Variants in PRDM11 observed in about 807,000 individuals in gnomAD.
PRDM11 encodes the protein PR/SET domain 11, also known as PR domain-containing protein 11.
PRDM11 carries 20 observed loss-of-function variants against 97.8 expected under a neutral mutation model. That is an observed-to-expected ratio of 0.20 (90% CI 0.14 to 0.30). PRDM11 has a LOEUF of 0.30. Ranked by LOEUF, PRDM11 falls within the 10% of genes least tolerant of loss-of-function variation. PRDM11 has a pLI of 1.00. For synonymous variants in PRDM11, 599 were observed against 637.7 expected, an observed-to-expected ratio of 0.94 and a Z score of 0.91; for missense variants, 1,139 against 1,555.2, an observed-to-expected ratio of 0.73 and a Z score of 4.50.
upstream of PRDM11, among the ~76,000 whole-genome samples, chr11:45,145,774 C>A (rs1314573738): frequency 1.3e-5 from 2 of 152,170 alleles, no homozygotes; most frequent in African/African-American, 4.8e-5. Flanking sequence ...CCTTGCCCTC[C>A]TCCAAGGCTT....
chr11:45,115,066 C>T (rs1000145306), intron 1 of PRDM11, among the ~76,000 whole-genome samples: 13 of 151,716 alleles, frequency 8.6e-5, no homozygotes, highest in Non-Finnish European at 1.0e-4. Flanking sequence ...ACTTTATTTC[C>T]TTAATCTAAA....
chr11:45,153,348 G>T (rs569999605), intron 1 of PRDM11, among the ~76,000 whole-genome samples: 25 of 152,406 alleles, frequency 1.6e-4, no homozygotes, highest in African/African-American at 6.0e-4. Flanking sequence ...TCTGGCACCA[G>T]ATAGCGGTGA....
intron 1 of PRDM11, among the ~76,000 whole-genome samples, chr11:45,155,220 C>T (rs1226677727): frequency 6.6e-6 from 1 of 152,240 alleles, no homozygotes; most frequent in Non-Finnish European, 1.5e-5. Flanking sequence ...CACTATCTCT[C>T]ACTTTCCCCA....
rs964231226 is a variant in PRDM11 at position 45,235,068 on chromosome 11, CT to C, written c.*6911del. Reference sequence around the variant, plus strand: ...GAAACTTTCTTTTTGTCATATTATCCTTGTAATGTAAGAAGATTGTTAATAA... The same window carrying C: ...GAAACTTTCTTTTTGTCATATTATCCTGTAATGTAAGAAGATTGTTAATAA... On this transcript the variant is annotated 3_prime_UTR_variant, in exon 8 of 8. Transcript: ENST00000683152. 6.6e-6 allele frequency: 1 copy of C among 152,098 alleles called. No individual in the cohort carries two copies. The highest frequency in any genetic ancestry group is 6.5e-5 in the Admixed American group (1 of 15,278). The allele number at this position is 152,098 out of a possible 1,614,324, so 9.4% of individuals were successfully genotyped here.
chr11:45,113,377 G>A (rs551648179), intron 1 of PRDM11, among the ~76,000 whole-genome samples: 17 of 152,150 alleles, frequency 1.1e-4, no homozygotes, highest in East Asian at 9.6e-4. Context: ...GTTTGAAGTC[G>A]AGTAATGTGA....
At chr11:45,188,462 G>A (rs550230949) in intron 4 of PRDM11, among the ~76,000 whole-genome samples, 9 of 152,232 alleles carry the variant, frequency 5.9e-5, no homozygotes, top group East Asian at 3.9e-4. Flanking sequence ...TACTTAGCAC[G>A]CCTCTTCTTA....
upstream of PRDM11, among the ~76,000 whole-genome samples, chr11:45,143,100 C>T (rs915437948): frequency 6.6e-6 from 1 of 152,194 alleles, no homozygotes; most frequent in African/African-American, 2.4e-5. Flanking sequence ...AAGATGCTTG[C>T]CAGTTCCTTG....
intron 1 of PRDM11, among the ~76,000 whole-genome samples, chr11:45,109,020 G>A (rs1357832512): frequency 1.3e-5 from 2 of 152,264 alleles, no homozygotes; most frequent in Admixed American, 1.3e-4. Flanking sequence ...CCAGGAAGAT[G>A]TCGGGGCTTA....
At chr11:45,169,723 C>T (rs192212112) in intron 1 of PRDM11, among the ~76,000 whole-genome samples, 34 of 42,176 alleles carry the variant, frequency 8.1e-4, no homozygotes, top group East Asian at 6.4e-3. Context: ...GGAACTCCCC[C>T]AGTGTCACAC....
At chr11:45,207,331 A>T (rs148992202) in intron 5 of PRDM11, among the ~76,000 whole-genome samples, 186 of 152,312 alleles carry the variant, frequency 1.2e-3, no homozygotes, top group African/African-American at 4.3e-3. Flanking sequence ...GTGGGCCAGG[A>T]GGCGAATGGG....
At chr11:45,144,207 A>T (rs1164057698), upstream of PRDM11, among the ~76,000 whole-genome samples, 1 of 152,100 alleles carries the variant, frequency 6.6e-6, no homozygotes, top group East Asian at 1.9e-4. Context: ...CCTGGTCCCA[A>T]CTCTTCATGC....
At chr11:45,154,421 A>T (rs1270376561) in intron 1 of PRDM11, among the ~76,000 whole-genome samples, 1 of 152,160 alleles carries the variant, frequency 6.6e-6, no homozygotes, top group Non-Finnish European at 1.5e-5. Flanking sequence ...CCTTCTCCCC[A>T]TCCCAGGAAC....
chr11:45,216,699 A>C (rs1038780730), intron 5 of PRDM11, among the ~76,000 whole-genome samples: 1 of 152,236 alleles, frequency 6.6e-6, no homozygotes, highest in Non-Finnish European at 1.5e-5. Flanking sequence ...ACAAAATCTG[A>C]ATAAGCATTG....
At chr11:45,121,908 A>C (rs973731249) in intron 1 of PRDM11, among the ~76,000 whole-genome samples, 24 of 152,188 alleles carry the variant, frequency 1.6e-4, no homozygotes, top group African/African-American at 5.5e-4. Flanking sequence ...TGTGAGCTGC[A>C]TCTAAAGGCT....
rs1170668946 is a variant in PRDM11, at chr11:45,233,841, A to G, written c.*5682A>G. On this transcript the variant is annotated 3_prime_UTR_variant, in exon 8 of 8. Transcript: ENST00000683152. ...ATAAATTCAATGGCTACTCCAGTCC[A>G]GAAGCAGGGCTTTGGCCCAGCCCGC... 3 of 152,362 alleles carry G rather than the reference A, an allele frequency of 2.0e-5. No individual in the cohort carries two copies. Among genetic ancestry groups the G allele is most frequent in the African/African-American group, 4.8e-5 (2 of 41,472 alleles). 9.4% of individuals were successfully genotyped at this position (152,362 alleles called of 1,614,324 possible).
intron 5 of PRDM11, chr11:45,215,688 T>TA (rs1853937181): frequency 6.6e-6 from 1 of 152,166 alleles, no homozygotes; most frequent in Non-Finnish European, 1.5e-5. Flanking sequence ...AGAGGAAACT[T>TA]GGGTGAGAGA....
upstream of PRDM11, among the ~76,000 whole-genome samples, chr11:45,145,482 G>A (rs1460254767): frequency 6.6e-6 from 1 of 152,176 alleles, no homozygotes; most frequent in African/African-American, 2.4e-5. Flanking sequence ...AACTCCTTCC[G>A]CCTTGGGAGG....
At chr11:45,224,126 G>A in intron 6 of PRDM11, 91 bp from the exon 7 acceptor site, 2 of 1,431,862 alleles carry the variant, frequency 1.4e-6, no homozygotes, top group Non-Finnish European at 1.9e-6. Flanking sequence ...GATGTGTCAG[G>A]TGACCTAACA....
chr11:45,188,309 C>G (rs1331669597), intron 4 of PRDM11, among the ~76,000 whole-genome samples: 1 of 152,240 alleles, frequency 6.6e-6, no homozygotes, highest in Admixed American at 6.5e-5. Flanking sequence ...CATTGCACAG[C>G]TGAGAAAACT....
Sources: allele counts gnomAD v4.1 joint callset (sites outside exome capture counted in the v4.1 genomes callset), GRCh38; gene constraint gnomAD v4.1.1; transcripts MANE v1.5; gene names NCBI Gene and HGNC (gene_info 2026-07-23, HGNC 2026-07-21).